SUGCT: variants seen among roughly 807,000 people sequenced by gnomAD.
The protein encoded by SUGCT is succinyl-CoA:glutarate CoA-transferase.
A neutral mutation model predicts 55.0 loss-of-function variants in SUGCT; 41 were observed. The ratio of observed to expected loss-of-function variants is 0.74; its 90% CI spans 0.58 to 0.97. The LOEUF (loss-of-function observed/expected upper bound fraction) is 0.97, where lower values mean the gene tolerates loss of function less well. Ranked by LOEUF, SUGCT falls within the 50% of genes least tolerant of loss-of-function variation. The pLI is 0.00. For synonymous variants in SUGCT, 187 were observed against 200.4 expected (o/e 0.93, Z 0.56); for missense variants, 568 against 547.8 (o/e 1.04, Z -0.37).
intron 12 of SUGCT, among the ~76,000 whole-genome samples, chr7:40,607,083 G>C (rs778292945): frequency 1.3e-5 from 2 of 151,420 alleles, no homozygotes; most frequent in East Asian, 1.9e-4. Flanking sequence ...AACACTGAAG[G>C]CTTTATTGTA....
chr7:40,616,412 C>T (rs1170441000), intron 12 of SUGCT, among the ~76,000 whole-genome samples: 3 of 151,914 alleles, frequency 2.0e-5, no homozygotes, highest in African/African-American at 4.8e-5. Flanking sequence ...GCCAGGCTGA[C>T]CGCAAGTGAT....
At chr7:40,963,902 C>T in the SUGCT span, among the ~76,000 whole-genome samples, 3 of 152,160 alleles carry the variant, frequency 2.0e-5, no homozygotes, top group African/African-American at 7.2e-5. Flanking sequence ...TTATGTGAGG[C>T]TGACTTACTC....
At chr7:40,214,845 C>T (rs894587390) in intron 6 of SUGCT, among the ~76,000 whole-genome samples, 4 of 150,934 alleles carry the variant, frequency 2.7e-5, no homozygotes, top group Non-Finnish European at 5.9e-5. Context: ...ACCCGGGAGG[C>T]GGAGGTTGCA....
chr7:40,452,130 T>C (rs1789225521), intron 10 of SUGCT, among the ~76,000 whole-genome samples: 1 of 152,224 alleles, frequency 6.6e-6, no homozygotes, highest in Non-Finnish European at 1.5e-5. Context: ...GCTTTCACTG[T>C]AAGGAGTTGG....
chr7:40,333,831 C>T (rs78285621), intron 9 of SUGCT, among the ~76,000 whole-genome samples: 3 of 149,784 alleles, frequency 2.0e-5, no homozygotes, highest in Non-Finnish European at 4.4e-5. Context: ...TATACATGTG[C>T]CATGGTGGTG....
the SUGCT span, among the ~76,000 whole-genome samples, chr7:40,951,173 C>T: frequency 6.6e-6 from 1 of 152,134 alleles, no homozygotes; most frequent in Non-Finnish European, 1.5e-5. Flanking sequence ...CAACTTCTTC[C>T]TGGTTTAGTC....
intron 6 of SUGCT, among the ~76,000 whole-genome samples, chr7:40,196,553 C>T (rs1786302090): frequency 6.6e-6 from 1 of 152,164 alleles, no homozygotes; most frequent in Non-Finnish European, 1.5e-5. Flanking sequence ...TTATTTCAAA[C>T]TGGTAGGTGA....
the SUGCT span, among the ~76,000 whole-genome samples, chr7:40,874,981 C>T: frequency 6.6e-6 from 1 of 152,228 alleles, no homozygotes; most frequent in East Asian, 1.9e-4. Flanking sequence ...GCCACTCTGC[C>T]AAACGGCACT....
intron 12 of SUGCT, among the ~76,000 whole-genome samples, chr7:40,555,301 CT>C (rs11288248): frequency 0.22 from 31,058 of 144,116 alleles, 5,640 homozygotes; most frequent in African/African-American, 0.5. Context: ...TCCTCTTTGT[CT>C]TTTTTTTTTT....
At chr7:40,137,420 C>T (rs940990564) in intron 1 of SUGCT, among the ~76,000 whole-genome samples, 3 of 152,120 alleles carry the variant, frequency 2.0e-5, no homozygotes, top group African/African-American at 7.2e-5. Flanking sequence ...TGTGGTGAGC[C>T]ACCATGCCCA....
At chr7:40,219,196 C>T (rs1787882027) in intron 6 of SUGCT, among the ~76,000 whole-genome samples, 1 of 152,066 alleles carries the variant, frequency 6.6e-6, no homozygotes, top group African/African-American at 2.4e-5. Flanking sequence ...GACCAGGATC[C>T]CACCAGAAGG....
At chr7:40,694,342 C>T (rs1174518662) in intron 12 of SUGCT, among the ~76,000 whole-genome samples, 1 of 152,188 alleles carries the variant, frequency 6.6e-6, no homozygotes, top group African/African-American at 2.4e-5. Flanking sequence ...TGGCAAAACC[C>T]TGAGGAGAGG....
intron 4 of SUGCT, 146 bp from the exon 5 acceptor site, chr7:40,189,398 C>CTTTTTTTTTTTTTTT (rs771275549): frequency 1.3e-4 from 18 of 143,888 alleles, no homozygotes; most frequent in African/African-American, 2.8e-4. Context: ...AATACACATA[C>CTTTTTTTTTTTTTTT]TTTTTTTTTT....
At chr7:40,870,119 A>G in the SUGCT span, among the ~76,000 whole-genome samples, 3 of 152,212 alleles carry the variant, frequency 2.0e-5, no homozygotes, top group African/African-American at 7.2e-5. Flanking sequence ...TACCACACTC[A>G]TGATCATGTA....
the SUGCT span, among the ~76,000 whole-genome samples, chr7:41,029,831 T>C: frequency 6.6e-6 from 1 of 152,224 alleles, no homozygotes; most frequent in African/African-American, 2.4e-5. Context: ...GGCAAATACA[T>C]AATGTCATGT....
chr7:40,556,138 C>T lies in SUGCT; in HGVS notation c.1089+59752C>T, dbSNP rs184056150. Among the ~76,000 whole-genome samples, 620 of 152,248 alleles carry T rather than the reference C, an allele frequency of 4.1e-3. 2 individuals carry two copies. The highest frequency in any genetic ancestry group is 0.014 in the African/African-American group (588 of 41,530). ...GCCCTGTGCCCAGATCCCTTGAGTCCACTTTTTGACCTCTGTTAAGTCTAT... is the reference window on the plus strand; with the variant it reads ...GCCCTGTGCCCAGATCCCTTGAGTCTACTTTTTGACCTCTGTTAAGTCTAT... On this transcript the variant is annotated intron_variant, in intron 12 of 13. Transcript: ENST00000335693.
intron 12 of SUGCT, among the ~76,000 whole-genome samples, chr7:40,530,275 G>A (rs889761515): frequency 3.3e-5 from 5 of 152,018 alleles, no homozygotes; most frequent in African/African-American, 1.2e-4. Flanking sequence ...AATTTTTAGC[G>A]ACAGAAAATG....
At chr7:40,267,557 A>G (rs1299726138) in intron 7 of SUGCT, among the ~76,000 whole-genome samples, 1 of 152,190 alleles carries the variant, frequency 6.6e-6, no homozygotes, top group Non-Finnish European at 1.5e-5. Flanking sequence ...TACCCATGAT[A>G]GAGACAATAC....
At chr7:40,319,382 G>A (rs1439477101) in intron 9 of SUGCT, among the ~76,000 whole-genome samples, 1 of 152,074 alleles carries the variant, frequency 6.6e-6, no homozygotes, top group Non-Finnish European at 1.5e-5. Flanking sequence ...AAAATAGATT[G>A]GGGGAATATT....
Sources: allele counts gnomAD v4.1 joint callset (sites outside exome capture counted in the v4.1 genomes callset), GRCh38; gene constraint gnomAD v4.1.1; transcripts MANE v1.5; gene names NCBI Gene and HGNC (gene_info 2026-07-23, HGNC 2026-07-21).